Variants in GAPDHS observed in about 807,000 individuals in gnomAD.
GAPDHS encodes the protein glyceraldehyde-3-phosphate dehydrogenase, testis-specific.
Under a neutral mutation model 48.7 loss-of-function variants are expected in GAPDHS, and 42 were observed. The ratio of observed to expected loss-of-function variants is 0.86; its 90% CI spans 0.67 to 1.12. The LOEUF (loss-of-function observed/expected upper bound fraction) is 1.12, where lower values mean the gene tolerates loss of function less well. GAPDHS is among the 50% of genes most tolerant of loss of function. The pLI, the probability that GAPDHS is intolerant of heterozygous loss-of-function variation, is 0.00. For missense variants in GAPDHS, 512 were observed against 557.7 expected (o/e 0.92, Z 0.82); for synonymous variants, 166 against 219.1 (o/e 0.76, Z 2.14).
In GAPDHS at chr19:35,538,419, A is replaced by C; in HGVS notation, c.342+16A>C. 3.0e-6 allele frequency: 3 copies of C among 987,332 alleles called. No homozygotes were observed. The highest frequency in any genetic ancestry group is 4.7e-6 in the Non-Finnish European group (3 of 642,134). 61.2% of individuals were successfully genotyped at this position (987,332 alleles called of 1,614,324 possible). On this transcript the variant is annotated intron_variant, in intron 3 of 10. Coordinates refer to ENST00000222286, the MANE Select transcript of GAPDHS (RefSeq NM_014364.5). ...GGAATACATGGTCAGTAGCTGGCAG[A>C]GGGCAGGAACAGCAGGGTGGGACTG...
Position 35,538,400 on chromosome 19 carries a change from C to T in GAPDHS, c.339C>T (p.Tyr113=). 1 of 1,565,788 alleles carries T rather than the reference C, an allele frequency of 6.4e-7. No individual in the cohort carries two copies. The highest frequency in any genetic ancestry group is 1.7e-5 in the Admixed American group (1 of 59,892). ...ATGATCCATTCATTGACCCGGAATA[C>T]ATGGTCAGTAGCTGGCAGAGGGCAG... ...AVNDPFIDPE[Y]MVYMFKYDST... The change falls in exon 3 of 11, where the codon TAC becomes TAT. Residue 113 remains tyrosine, a synonymous_variant. Transcript: ENST00000222286.
At chr19:35,535,894 C>A (rs576368944) in intron 1 of GAPDHS, among the ~76,000 whole-genome samples, 1 of 151,950 alleles carries the variant, frequency 6.6e-6, no homozygotes, top group East Asian at 2.0e-4. Context: ...CTCAGCCCCC[C>A]GAGGAGCTGG....
intron 8 of GAPDHS, 26 bp from the exon 9 acceptor site, chr19:35,543,639 C>T: frequency 6.2e-7 from 1 of 1,610,654 alleles, no homozygotes. Context: ...AGTTCTGACT[C>T]CTGTTCCTCA....
intron 1 of GAPDHS, among the ~76,000 whole-genome samples, chr19:35,535,792 C>T (rs2071462222): frequency 1.4e-5 from 2 of 139,080 alleles, no homozygotes; most frequent in Non-Finnish European, 3.1e-5. Flanking sequence ...TTTTTTGAGA[C>T]AGAGTCTCAC....
In GAPDHS at chr19:35,543,751, A is replaced by G. The variant is rs1253785901; in HGVS notation, c.980A>G (p.Tyr327Cys). ...LTCRLAQPAP[Y>C]SAIKEAVKAA... The stretch of plus-strand genomic sequence containing the variant: ...TGCCGCCTCGCCCAGCCTGCCCCCT[A>G]CTCAGCCATCAAGGAGGCTGTAAAA... The change falls in exon 9 of 11, where the codon TAC becomes TGC. Residue 327 changes from tyrosine (Y) to cysteine (C), a missense_variant. Transcript: ENST00000222286. 2.5e-6 allele frequency: 4 copies of G among 1,613,654 alleles called. No homozygotes were observed. Among genetic ancestry groups the G allele is most frequent in the African/African-American group, 2.7e-5 (2 of 74,866 alleles).
rs767856306 is a variant in GAPDHS at position 35,542,382 on chromosome 19, C to A, written c.513C>A (p.Gly171=). 2.1e-5 allele frequency: 33 copies of A among 1,609,140 alleles called. No homozygotes were observed. In the African/African-American group the frequency reaches 3.3e-4, roughly 16 times the overall value. ...VGSPYVVEST[G]VYLSIQAASD... ...GCCCCTACGTGGTGGAGTCCACAGG[C>A]GTGTACCTCTCCATACAGGCAGCTT... The change falls in exon 5 of 11, where the codon GGC becomes GGA. Residue 171 remains glycine, a synonymous_variant. Transcript: ENST00000222286.
At position 35,545,011 on chromosome 19, in the gene GAPDHS, G is replaced by A. The variant is rs746738723; in HGVS notation, c.1154+5G>A. On this transcript the variant is annotated splice_donor_5th_base_variant and intron_variant, in intron 10 of 10. Transcript: ENST00000222286. ...TTTCGTGAAGCTCATTTCATGGTAA[G>A]GGGGAAGGAGCTGGAGACTTAGAGG... is the stretch of plus-strand genomic sequence containing the variant. 6.8e-6 allele frequency: 11 copies of A among 1,610,904 alleles called. No homozygotes were observed. Among genetic ancestry groups the A allele is most frequent in the Non-Finnish European group, 8.5e-6 (10 of 1,177,120 alleles).
At chr19:35,539,184 A>G (rs1276264965) in intron 4 of GAPDHS, among the ~76,000 whole-genome samples, 3 of 152,194 alleles carry the variant, frequency 2.0e-5, no homozygotes, top group African/African-American at 7.2e-5. Flanking sequence ...GGCAGGAGCC[A>G]CTGCATTTTG....
At chr19:35,541,263 CT>C (rs1308058871) in intron 4 of GAPDHS, 1 of 151,786 alleles carries the variant, frequency 6.6e-6, no homozygotes, top group East Asian at 2.0e-4. Flanking sequence ...CTAAAGCACC[CT>C]GGGCAACAAA....
chr19:35,536,680 G>A, intron 1 of GAPDHS, 133 bp from the exon 2 acceptor site: 2 of 680,270 alleles, frequency 2.9e-6, no homozygotes, highest in Admixed American at 2.5e-5. Flanking sequence ...GAGAAAGTGG[G>A]TTTGGGAAAC....
At chr19:35,543,052 C>G (rs375898193) in intron 7 of GAPDHS, 26 bp downstream of exon 7, 1 of 1,546,556 alleles carries the variant, frequency 6.5e-7, no homozygotes, top group Non-Finnish European at 8.9e-7. Flanking sequence ...GGGGCTGGGG[C>G]AGGAAGGATG....
Position 35,543,153 on chromosome 19 carries a change from G to A in GAPDHS, c.741+127G>A, listed in dbSNP as rs2071517215. 6 of 962,304 alleles carry A rather than the reference G, an allele frequency of 6.2e-6. 1 individual carries two copies. The highest frequency in any genetic ancestry group is 9.9e-6 in the Non-Finnish European group (6 of 607,426). The allele number at this position is 962,304 out of a possible 1,614,324, so 59.6% of individuals were successfully genotyped here. On this transcript the variant is annotated intron_variant, in intron 7 of 10. Transcript: ENST00000222286. ...TCGGGAGGAGAGGCCCACCAGTGCA[G>A]AAGTCACTTAAAACACTGTGCAACC...
intron 6 of GAPDHS, 80 bp downstream of exon 6, chr19:35,542,688 C>A: frequency 9.9e-7 from 1 of 1,012,812 alleles, no homozygotes; most frequent in Non-Finnish European, 1.5e-6. Context: ...CACTGGATTC[C>A]TGGTCGCTTG....
intron 4 of GAPDHS, 62 bp downstream of exon 4, chr19:35,538,745 G>A: frequency 9.5e-7 from 1 of 1,050,538 alleles, no homozygotes; most frequent in Non-Finnish European, 1.5e-6. Flanking sequence ...TGTGGAGGTG[G>A]CTAAAATGGG....
intron 4 of GAPDHS, among the ~76,000 whole-genome samples, chr19:35,539,300 C>T (rs1020174013): frequency 1.3e-5 from 2 of 152,220 alleles, no homozygotes; most frequent in Non-Finnish European, 2.9e-5. Context: ...TTGACCACTG[C>T]TGGTCAACTA....
At chr19:35,537,378 G>A (rs2071472807) in intron 2 of GAPDHS, among the ~76,000 whole-genome samples, 1 of 152,138 alleles carries the variant, frequency 6.6e-6, no homozygotes, top group African/African-American at 2.4e-5. Context: ...CCAGGCAGCG[G>A]GACAAGCAAT....
intron 2 of GAPDHS, among the ~76,000 whole-genome samples, 198 bp downstream of exon 2, chr19:35,537,188 A>T (rs1159308222): frequency 2.0e-5 from 3 of 152,296 alleles, no homozygotes; most frequent in South Asian, 2.1e-4. Context: ...CAAATAAAGA[A>T]ATTAGATTGT....
Position 35,543,458 on chromosome 19 carries a change from A to G in GAPDHS, c.860A>G (p.Lys287Arg). 6.2e-7 allele frequency: 1 copy of G among 1,606,588 alleles called. No individual in the cohort carries two copies. Among genetic ancestry groups the G allele is most frequent in the East Asian group, 2.2e-5 (1 of 44,840 alleles). ...ATCCCAGCCTCCACTGGGGCTGCGA[A>G]AGCTGTGACCAAAGTCATCCCAGAG... ...NIIPASTGAA[K>R]AVTKVIPELK... The change falls in exon 8 of 11, where the codon AAA (lysine) becomes AGA (arginine). Residue 287 changes from lysine (K) to arginine (R), a missense_variant. Physicochemically the swap from Lys to Arg is conservative, Grantham distance 26 (BLOSUM62 2). Coordinates refer to ENST00000222286, the MANE Select transcript of GAPDHS (RefSeq NM_014364.5).
chr19:35,533,666 G>T, intron 1 of GAPDHS, 72 bp downstream of exon 1: 1 of 1,179,262 alleles, frequency 8.5e-7, no homozygotes, highest in Non-Finnish European at 1.2e-6. Flanking sequence ...CCTCACACCT[G>T]TGCCGTATCC....
Sources: gnomAD v4.1 joint callset for allele counts (sites outside exome capture counted in the v4.1 genomes callset) on GRCh38, gnomAD v4.1.1 for gene constraint, MANE v1.5 for transcripts, NCBI Gene and HGNC (gene_info 2026-07-23, HGNC 2026-07-21) for gene names.